Variants in LRP8 observed in about 807,000 individuals in gnomAD.
The protein encoded by LRP8 is low-density lipoprotein receptor-related protein 8.
Under a neutral mutation model 111.6 loss-of-function variants are expected in LRP8, and 46 were observed. The ratio of observed to expected loss-of-function variants is 0.41; its 90% CI spans 0.33 to 0.53. The LOEUF is 0.53. Among genes scored for constraint, LRP8 ranks in the 20% least tolerant of loss-of-function variants. The pLI, the probability that LRP8 is intolerant of heterozygous loss-of-function variation, is 0.20. For synonymous variants in LRP8, 464 were observed against 511.2 expected, an observed-to-expected ratio of 0.91 and a Z score of 1.24; for missense variants, 959 against 1,297.4, an observed-to-expected ratio of 0.74 and a Z score of 4.01.
rs926459520 is a variant in LRP8 at position 53,244,512 on chromosome 1, C to T, written c.*2506G>A. ...CCTCAGGTTTCATCTTATTTACTGC[C>T]GTCCAACACATGAATATATCACAAT... On this transcript the variant is annotated 3_prime_UTR_variant, in exon 19 of 19. Coordinates refer to ENST00000306052, the MANE Select transcript of LRP8 (RefSeq NM_004631.5). 6 of 152,228 alleles carry T rather than the reference C, an allele frequency of 3.9e-5. No individual in the cohort carries two copies. Among genetic ancestry groups the T allele is most frequent in the African/African-American group, 1.4e-4 (6 of 41,452 alleles). The allele number at this position is 152,228 out of a possible 1,614,324, so 9.4% of individuals were successfully genotyped here. A position where few individuals can be genotyped will look rare whatever the true frequency, so the allele number is the denominator to read the frequency against.
chr1:53,257,708 A>C (rs1646154939), intron 14 of LRP8, among the ~76,000 whole-genome samples: 2 of 152,224 alleles, frequency 1.3e-5, no homozygotes, highest in Admixed American at 1.3e-4. Flanking sequence ...GATCAGCAAT[A>C]AAAAGACTGT....
At chr1:53,284,320 T>A (rs559316036) in intron 3 of LRP8, among the ~76,000 whole-genome samples, 1 of 152,272 alleles carries the variant, frequency 6.6e-6, no homozygotes, top group South Asian at 2.1e-4. Flanking sequence ...CTGGGCCACT[T>A]ACTGCACTAC....
chr1:53,273,243 C>T (rs113753086), intron 6 of LRP8, among the ~76,000 whole-genome samples: 23,718 of 152,076 alleles, frequency 0.16, 2,391 homozygotes, highest in African/African-American at 0.28. Context: ...TTTGCGGCTT[C>T]CTTCCATGGA....
Position 53,293,083 on chromosome 1 carries a change from G to T in LRP8, c.245-3394C>A, listed in dbSNP as rs1649080552. On this transcript the variant is annotated intron_variant, in intron 2 of 18. Coordinates refer to ENST00000306052, the MANE Select transcript of LRP8 (RefSeq NM_004631.5). The surrounding 1 kb of genome is among the most constrained non-coding windows in gnomAD (Gnocchi z 4.9). ...GACAGTGCCCAAAACAGCAGGGCAGGCTTGAAGAAGGTGATGATGGGGCTC... is the reference window on the plus strand; with the variant it reads ...GACAGTGCCCAAAACAGCAGGGCAGTCTTGAAGAAGGTGATGATGGGGCTC... 6.6e-6 allele frequency among the ~76,000 whole-genome samples: 1 copy of T among 152,226 alleles called. No homozygotes were observed.
At chr1:53,324,189 A>G (rs1654856547) in intron 2 of LRP8, among the ~76,000 whole-genome samples, 1 of 152,184 alleles carries the variant, frequency 6.6e-6, no homozygotes, top group Admixed American at 6.5e-5. Flanking sequence ...TCACCCCTCC[A>G]TCCCAGGTTT....
chr1:53,292,890 G>A (rs182331447), intron 2 of LRP8, among the ~76,000 whole-genome samples: 128 of 152,324 alleles, frequency 8.4e-4, no homozygotes, highest in African/African-American at 2.8e-3. Context: ...AGTACCAAAT[G>A]TGGAAGAAAA....
At chr1:53,302,607 C>T (rs992799674) in intron 2 of LRP8, among the ~76,000 whole-genome samples, 5 of 152,018 alleles carry the variant, frequency 3.3e-5, no homozygotes, top group Admixed American at 1.3e-4. Flanking sequence ...GTCCACCTCT[C>T]GCTTTTTCCT....
chr1:53,294,648 G>A lies in LRP8; in HGVS notation c.245-4959C>T, dbSNP rs556508644. On this transcript the variant is annotated intron_variant, in intron 2 of 18. Coordinates refer to ENST00000306052, the MANE Select transcript of LRP8 (RefSeq NM_004631.5). This position sits in a 1 kb window ranked among gnomAD's most constrained non-coding sequence, Gnocchi z 4.1. Reference sequence around the variant, plus strand: ...AGCCCTGGCCCCAGCTGCCGTGTGTGTAACACTGGGCCCATCCGTCAAACC... The same window carrying A: ...AGCCCTGGCCCCAGCTGCCGTGTGTATAACACTGGGCCCATCCGTCAAACC... Among the ~76,000 whole-genome samples the A allele has an allele frequency of 2.0e-5, 3 of 152,314 alleles. No individual in the cohort carries two copies. Among genetic ancestry groups the A allele is most frequent in the East Asian group, 3.9e-4 (2 of 5,184 alleles).
intron 2 of LRP8, 166 bp from the exon 3 acceptor site, chr1:53,289,855 G>A (rs747979225): frequency 2.7e-5 from 22 of 804,806 alleles, no homozygotes; most frequent in East Asian, 8.4e-5. Flanking sequence ...TGAACACTGC[G>A]TGAAGACAGG....
chr1:53,306,786 C>T (rs796746985), intron 2 of LRP8, among the ~76,000 whole-genome samples: 2 of 152,326 alleles, frequency 1.3e-5, no homozygotes, highest in Admixed American at 6.5e-5. Flanking sequence ...GACACATGAA[C>T]TTGGGCCTCA....
intron 6 of LRP8, among the ~76,000 whole-genome samples, chr1:53,274,219 A>G (rs1410720603): frequency 6.6e-6 from 1 of 152,200 alleles, no homozygotes; most frequent in Non-Finnish European, 1.5e-5. Flanking sequence ...CTCCTGCTGC[A>G]AGGCCTGCCT....
Position 53,250,595 on chromosome 1 carries a change from A to G in LRP8, c.2676+95T>C. The G allele has an allele frequency of 9.2e-7, 1 of 1,081,248 alleles. No homozygotes were observed. Among genetic ancestry groups the G allele is most frequent in the Non-Finnish European group, 1.4e-6 (1 of 731,670 alleles). The allele number at this position is 1,081,248 out of a possible 1,614,324, so 67.0% of individuals were successfully genotyped here. ...AGGACGGAAGGAAGGAAGGGAGGGA[A>G]GAAAGGATGGGAAGGAAGAAAGGAT... On this transcript the variant is annotated intron_variant, in intron 17 of 18. Transcript: ENST00000306052. This position sits in a 1 kb window ranked among gnomAD's most constrained non-coding sequence, Gnocchi z 4.6.
At position 53,279,919 on chromosome 1, in the gene LRP8, T is replaced by C. The variant is rs1364306674; in HGVS notation, c.496+668A>G. On this transcript the variant is annotated intron_variant, in intron 4 of 18. Coordinates refer to ENST00000306052, the MANE Select transcript of LRP8 (RefSeq NM_004631.5). This position sits in a 1 kb window ranked among gnomAD's most constrained non-coding sequence, Gnocchi z 4.4. The stretch of plus-strand genomic sequence containing the variant: ...GAATTGAAAAAGTGAGGCCTGGCCA[T>C]GCTCCCCAATGGCCCAGGCCCTGCT... Among the ~76,000 whole-genome samples the C allele has an allele frequency of 6.6e-6, 1 of 152,242 alleles. No individual in the cohort carries two copies. Among genetic ancestry groups the C allele is most frequent in the Non-Finnish European group, 1.5e-5 (1 of 68,032 alleles).
intron 13 of LRP8, among the ~76,000 whole-genome samples, chr1:53,258,933 A>G (rs1218219714): frequency 6.6e-6 from 1 of 152,198 alleles, no homozygotes; most frequent in Non-Finnish European, 1.5e-5. Flanking sequence ...TTTACTTAGA[A>G]TAATGGCTTC....
chr1:53,289,517 G>A lies in LRP8; in HGVS notation c.367+50C>T, dbSNP rs1347580113. On this transcript the variant is annotated intron_variant, in intron 3 of 18. Coordinates refer to ENST00000306052, the MANE Select transcript of LRP8 (RefSeq NM_004631.5). ...CCTCACAGCCTCTCAAGGAAGATCTGAGGAGGAAACTGAGGCCCACCCCCA... is the reference window on the plus strand; with the variant it reads ...CCTCACAGCCTCTCAAGGAAGATCTAAGGAGGAAACTGAGGCCCACCCCCA... 1.9e-6 allele frequency: 3 copies of A among 1,556,788 alleles called. No homozygotes were observed. The Admixed American group carries it at 5.5e-5, about 28-fold the overall frequency.
intron 2 of LRP8, chr1:53,305,411 A>G (rs1273349447): frequency 6.6e-6 from 1 of 152,226 alleles, no homozygotes; most frequent in Admixed American, 6.5e-5. Flanking sequence ...CCCCACCACC[A>G]GGCTTTGTAC....
rs1294509962 is a variant in LRP8 at position 53,314,119 on chromosome 1, C to T, written c.244+12754G>A. On this transcript the variant is annotated intron_variant, in intron 2 of 18. Coordinates refer to ENST00000306052, the MANE Select transcript of LRP8 (RefSeq NM_004631.5). The stretch of plus-strand genomic sequence containing the variant: ...GCCCAAGGCCCAGGCAATGCCTGCA[C>T]TCCGGCCTAGTCCAAGAGGCAGAAG... Among the ~76,000 whole-genome samples, 3 of 152,342 alleles carry T rather than the reference C, an allele frequency of 2.0e-5. No individual in the cohort carries two copies. In the East Asian group the frequency reaches 5.8e-4, roughly 29 times the overall value.
In LRP8 at chr1:53,276,903, C is replaced by T; in HGVS notation, c.672G>A (p.Glu224=). Residue 224 remains glutamate (E), a synonymous_variant, in exon 5 of 19, where the codon GAG becomes GAA. Coordinates refer to ENST00000306052, the MANE Select transcript of LRP8 (RefSeq NM_004631.5). Reference sequence around the variant, plus strand: ...CAAACTGGCGGTCGCAGACCCAGCGCTCCGGGATGCAGGCGCCGCCGCCAT... The same window carrying T: ...CAAACTGGCGGTCGCAGACCCAGCGTTCCGGGATGCAGGCGCCGCCGCCAT... ...GGDGGGACIP[E]RWVCDRQFDC... is the part of the protein sequence containing the mutation. 1 of 1,431,250 alleles carries T rather than the reference C, an allele frequency of 7.0e-7. No individual in the cohort carries two copies. The highest frequency in any genetic ancestry group is 1.5e-5 in the African/African-American group (1 of 66,098). 88.7% of individuals were successfully genotyped at this position (1,431,250 alleles called of 1,614,324 possible).
chr1:53,309,692 C>A (rs1309342733), intron 2 of LRP8, among the ~76,000 whole-genome samples: 1 of 152,152 alleles, frequency 6.6e-6, no homozygotes, highest in Non-Finnish European at 1.5e-5. Flanking sequence ...TACTAAGCTG[C>A]CCCCTGAGGG....
Sources: allele counts gnomAD v4.1 joint callset (sites outside exome capture counted in the v4.1 genomes callset), GRCh38; gene constraint gnomAD v4.1.1; non-coding constraint Gnocchi (gnomAD v3.1); transcripts MANE v1.5; gene names NCBI Gene and HGNC (gene_info 2026-07-23, HGNC 2026-07-21).